Variants in HSP90AA1 observed in about 807,000 individuals in gnomAD.
HSP90AA1 encodes the protein heat shock protein HSP 90-alpha.
A neutral mutation model predicts 73.3 loss-of-function variants in HSP90AA1; 18 were observed. That is an observed-to-expected ratio of 0.25 (90% CI 0.17 to 0.36). The LOEUF is 0.36. HSP90AA1 is among the 10% of genes least tolerant of loss of function. The pLI is 1.00. For missense variants in HSP90AA1, 704 were observed against 874.2 expected, an observed-to-expected ratio of 0.81 and a Z score of 2.45; for synonymous variants, 477 against 296.9, an observed-to-expected ratio of 1.61 and a Z score of -6.24.
At chr14:102,081,985 T>A in intron 10 of HSP90AA1, 126 bp downstream of exon 10, 3 of 795,000 alleles carry the variant, frequency 3.8e-6, no homozygotes, top group Non-Finnish European at 6.6e-6. Flanking sequence ...AAAAAAAACA[T>A]ACTTTAATAC....
intron 1 of HSP90AA1, among the ~76,000 whole-genome samples, chr14:102,126,682 G>A (rs1416357947): frequency 2.0e-5 from 3 of 151,982 alleles, no homozygotes; most frequent in African/African-American, 2.4e-5. Flanking sequence ...CCGCCACCAC[G>A]CCCGGCTAAC....
chr14:102,136,567 C>CAAAA (rs1165638280), intron 1 of HSP90AA1, among the ~76,000 whole-genome samples: 77 of 53,066 alleles, frequency 1.5e-3, no homozygotes, highest in Middle Eastern at 0.022. Context: ...AGACTCGTCT[C>CAAAA]AAAAAAAAAA....
At chr14:102,087,124 C>T, upstream of HSP90AA1, 1 of 984,532 alleles carries the variant, frequency 1.0e-6, no homozygotes. Flanking sequence ...CCTCCCGAAC[C>T]TTCCGGAAGA....
chr14:102,084,644 T>A, intron 5 of HSP90AA1, 37 bp downstream of exon 5: 1 of 1,614,046 alleles, frequency 6.2e-7, no homozygotes, highest in Non-Finnish European at 8.5e-7. Context: ...AAGATGATAA[T>A]CTAAGGACAA....
At chr14:102,082,850 G>C in intron 9 of HSP90AA1, 184 bp downstream of exon 9, 1 of 670,018 alleles carries the variant, frequency 1.5e-6, no homozygotes, top group Non-Finnish European at 2.7e-6. Context: ...TCGATCTCCT[G>C]ACCTTGTGAT....
intron 1 of HSP90AA1, among the ~76,000 whole-genome samples, chr14:102,105,643 G>T (rs1193968826): frequency 2.0e-5 from 3 of 152,212 alleles, no homozygotes; most frequent in Non-Finnish European, 4.4e-5. Flanking sequence ...CAAGGTGTGG[G>T]CTTGCCTGCC....
At position 102,083,703 on chromosome 14, in the gene HSP90AA1, A is replaced by C. The variant is rs1234857823; in HGVS notation, c.1339-10T>G. On this transcript the variant is annotated splice_polypyrimidine_tract_variant and intron_variant, in intron 7 of 10. Coordinates refer to ENST00000216281, the MANE Select transcript of HSP90AA1 (RefSeq NM_005348.4). The stretch of plus-strand genomic sequence containing the variant: ...CTTCGTGTATTCCAAGCTGAAACAA[A>C]GTATGTTCTTTACAAAGACTTTCTG... 1.3e-6 allele frequency: 2 copies of C among 1,599,034 alleles called. No individual in the cohort carries two copies. Among genetic ancestry groups the C allele is most frequent in the Admixed American group, 1.7e-5 (1 of 59,964 alleles).
intron 1 of HSP90AA1, among the ~76,000 whole-genome samples, chr14:102,125,448 G>A (rs1051788236): frequency 1.3e-5 from 2 of 152,206 alleles, no homozygotes; most frequent in African/African-American, 4.8e-5. Context: ...CCAAGGACAG[G>A]AGTGTTTCGT....
At chr14:102,087,100 G>C (rs1178271865), upstream of HSP90AA1, 1 of 984,278 alleles carries the variant, frequency 1.0e-6, no homozygotes, top group Non-Finnish European at 1.2e-6. Context: ...AGCGCGCGGC[G>C]CTTTTTCCAG....
chr14:102,085,918 C>T lies in HSP90AA1; in HGVS notation c.369G>A (p.Gln123=), dbSNP rs772275505. 1 of 1,614,000 alleles carries T rather than the reference C, an allele frequency of 6.2e-7. No individual in the cohort carries two copies. Among genetic ancestry groups the T allele is most frequent in the South Asian group, 1.1e-5 (1 of 91,072 alleles). The change falls in exon 3 of 11, where the codon CAG becomes CAA. Residue 123 remains glutamine, a synonymous_variant. Transcript: ENST00000216281. ...CAATCATAGAGATATCTGCACCAGC[C>T]TGCAAAGCTTCCATGAACGCTTTGG... is the stretch of plus-strand genomic sequence containing the variant. ...SGTKAFMEAL[Q]AGADISMIGQ...
At chr14:102,124,994 CTTTA>C (rs2049823502) in intron 1 of HSP90AA1, among the ~76,000 whole-genome samples, 2 of 151,980 alleles carry the variant, frequency 1.3e-5, no homozygotes, top group South Asian at 2.1e-4. Context: ...CATTCATAAT[CTTTA>C]TTTATTTTTT....
intron 1 of HSP90AA1, among the ~76,000 whole-genome samples, chr14:102,118,263 C>T (rs1452789924): frequency 6.6e-6 from 1 of 152,132 alleles, no homozygotes; most frequent in African/African-American, 2.4e-5. Context: ...CCCCTAAGGT[C>T]CTGCAACACT....
chr14:102,107,052 G>A (rs773637211), intron 1 of HSP90AA1, among the ~76,000 whole-genome samples: 19 of 152,098 alleles, frequency 1.2e-4, no homozygotes, highest in Non-Finnish European at 2.5e-4. Flanking sequence ...ACTGCTTAGG[G>A]GATGATATAC....
chr14:102,091,161 A>T (rs1566724531), upstream of HSP90AA1, among the ~76,000 whole-genome samples: 1 of 152,140 alleles, frequency 6.6e-6, no homozygotes, highest in African/African-American at 2.4e-5. Flanking sequence ...GCTACTTTGC[A>T]TGCAGTTTCT....
At chr14:102,087,860 T>TC (rs1350653462), upstream of HSP90AA1, among the ~76,000 whole-genome samples, 6 of 151,284 alleles carry the variant, frequency 4.0e-5, no homozygotes, top group Non-Finnish European at 7.4e-5. Flanking sequence ...GAAAAGCCCA[T>TC]CGTTTTGCCG....
chr14:102,090,746 T>C (rs1595663856), upstream of HSP90AA1, among the ~76,000 whole-genome samples: 1 of 152,228 alleles, frequency 6.6e-6, no homozygotes. Context: ...CCACAGTGCC[T>C]GGCCTCAACA....
chr14:102,084,988 T>C lies in HSP90AA1; in HGVS notation c.674A>G (p.Glu225Gly). 1.2e-6 allele frequency: 2 copies of C among 1,613,630 alleles called. No individual in the cohort carries two copies. Among genetic ancestry groups the C allele is most frequent in the Non-Finnish European group, 1.7e-6 (2 of 1,179,592 alleles). Residue 225 changes from glutamate (E) to glycine (G), a missense_variant, in exon 5 of 11, where the codon GAA (glutamate) becomes GGA (glycine). By Grantham distance (98) the Glu-to-Gly change is moderately conservative. Transcript: ENST00000216281. ...ATCATCGCTTACTTCTTTATCACGTTCCTTCTCCACCTTCAAAAGAAAACA... is the reference window on the plus strand; with the variant it reads ...ATCATCGCTTACTTCTTTATCACGTCCCTTCTCCACCTTCAAAAGAAAACA... Reference protein sequence around the residue: ...GYPITLFVEKERDKEVSDDEA... With the variant: ...GYPITLFVEKGRDKEVSDDEA...
chr14:102,133,589 T>C (rs2152627457), intron 1 of HSP90AA1, among the ~76,000 whole-genome samples: 1 of 151,338 alleles, frequency 6.6e-6, no homozygotes. Context: ...GTTCAAGTGA[T>C]TCTCCTGCCT....
intron 1 of HSP90AA1, among the ~76,000 whole-genome samples, chr14:102,132,322 G>T (rs769011558): frequency 6.6e-6 from 1 of 152,000 alleles, no homozygotes; most frequent in Non-Finnish European, 1.5e-5. Context: ...AGTGGAGACC[G>T]TACCACTGCA....
Sources: gnomAD v4.1 joint callset for allele counts (sites outside exome capture counted in the v4.1 genomes callset) on GRCh38, gnomAD v4.1.1 for gene constraint, MANE v1.5 for transcripts, NCBI Gene and HGNC (gene_info 2026-07-23, HGNC 2026-07-21) for gene names.